The following MAPK15 variants were observed in gnomAD, a reference collection of about 807,000 sequenced individuals.
MAPK15 encodes the protein mitogen-activated protein kinase 15, also known as ERK-7.
Under a neutral mutation model 60.8 loss-of-function variants are expected in MAPK15, and 61 were observed. That is an observed-to-expected ratio of 1.00 (90% CI 0.82 to 1.24). The LOEUF is 1.24. MAPK15 is among the 50% of genes most tolerant of loss of function. The pLI is 0.00. For missense variants in MAPK15, 808 were observed against 741.1 expected, an observed-to-expected ratio of 1.09 and a Z score of -1.05; for synonymous variants, 356 against 319.9, an observed-to-expected ratio of 1.11 and a Z score of -1.21.
Position 143,720,144 on chromosome 8 carries a change from G to T in MAPK15, c.722-86G>T. ...CTGTAGAGAGGCTGTGCTCCCTGGG[G>T]CTGGAAGAGATGACTGGCCCCAGAT... On this transcript the variant is annotated intron_variant, in intron 7 of 13. Coordinates refer to ENST00000338033, the MANE Select transcript of MAPK15 (RefSeq NM_139021.3). This position sits in a 1 kb window ranked among gnomAD's most constrained non-coding sequence, Gnocchi z 4.6. 6.6e-7 allele frequency: 1 copy of T among 1,524,472 alleles called. No individual in the cohort carries two copies. The highest frequency in any genetic ancestry group is 8.8e-7 in the Non-Finnish European group (1 of 1,135,952). 94.4% of individuals were successfully genotyped at this position (1,524,472 alleles called of 1,614,324 possible). A position where few individuals can be genotyped will look rare whatever the true frequency, so the allele number is the denominator to read the frequency against.
rs782227228 is a variant in MAPK15, at chr8:143,721,542, C to T, written c.1205-7C>T. On this transcript the variant is annotated splice_polypyrimidine_tract_variant and splice_region_variant and intron_variant, in intron 11 of 13. Transcript: ENST00000338033. ...CTGACCCCGGGGTTGACCCACTGAC[C>T]CCACAGAGTCCCCCCGTGCAGCCAA... 1 of 1,613,738 alleles carries T rather than the reference C, an allele frequency of 6.2e-7. No homozygotes were observed. Among genetic ancestry groups the T allele is most frequent in the Admixed American group, 1.7e-5 (1 of 59,958 alleles).
At chr8:143,717,455 C>T (rs1817853988) in intron 1 of MAPK15, among the ~76,000 whole-genome samples, 1 of 152,168 alleles carries the variant, frequency 6.6e-6, no homozygotes, top group African/African-American at 2.4e-5. Flanking sequence ...TGCCCAGACG[C>T]TCCCCTCTGT....
chr8:143,720,527 AG>A lies in MAPK15; in HGVS notation c.780-172del, dbSNP rs1554619459. On this transcript the variant is annotated intron_variant, in intron 8 of 13. Transcript: ENST00000338033. The surrounding 1 kb of genome is among the most constrained non-coding windows in gnomAD (Gnocchi z 4.6). Reference sequence around the variant, plus strand: ...GGAGAGGAGGGCACCAGGGGGCCGCAGGGGTCTCTCCACCCTGCAGGGGCCC... The same window carrying A: ...GGAGAGGAGGGCACCAGGGGGCCGCAGGGTCTCTCCACCCTGCAGGGGCCC... 2 of 1,455,236 alleles carry A rather than the reference AG, an allele frequency of 1.4e-6. No homozygotes were observed. Among genetic ancestry groups the A allele is most frequent in the Admixed American group, 2.8e-5 (1 of 35,912 alleles). The allele number at this position is 1,455,236 out of a possible 1,614,324, so 90.1% of individuals were successfully genotyped here.
In MAPK15 at chr8:143,720,732, C is replaced by A. The variant is rs782408799; in HGVS notation, c.809C>A (p.Pro270Gln). Reference sequence around the variant, plus strand: ...CGACAGACGCTGGATGCCCTCCTACCGCCAGACACCTCCCCAGAGGCCTTG... The same window carrying A: ...CGACAGACGCTGGATGCCCTCCTACAGCCAGACACCTCCCCAGAGGCCTTG... ...RPRQTLDALLPPDTSPEALDL... is the reference protein window; with the variant it reads ...RPRQTLDALLQPDTSPEALDL... The change falls in exon 9 of 14, where the codon CCG (proline) becomes CAG (glutamine). Residue 270 changes from proline to glutamine, a missense_variant. By Grantham distance (76) the Pro-to-Gln change is moderately conservative (BLOSUM62 -1). Coordinates refer to ENST00000338033, the MANE Select transcript of MAPK15 (RefSeq NM_139021.3). This position sits in a 1 kb window ranked among gnomAD's most constrained non-coding sequence, Gnocchi z 4.6. 1.2e-6 allele frequency: 2 copies of A among 1,613,116 alleles called. No homozygotes were observed. Among genetic ancestry groups the A allele is most frequent in the Non-Finnish European group, 1.7e-6 (2 of 1,179,664 alleles).
At chr8:143,718,713 A>ACC in intron 4 of MAPK15, 62 bp from the exon 5 acceptor site, 5 of 511,476 alleles carry the variant, frequency 9.8e-6, no homozygotes, top group South Asian at 2.0e-5. Flanking sequence ...CCCCTCTCCC[A>ACC]CTCCCCCCAG....
intron 1 of MAPK15, among the ~76,000 whole-genome samples, 177 bp downstream of exon 1, chr8:143,716,620 G>A (rs1554618427): frequency 6.6e-6 from 1 of 152,204 alleles, no homozygotes; most frequent in Non-Finnish European, 1.5e-5. Context: ...TCCTCATGGG[G>A]TAACACGATC....
At chr8:143,718,383 C>T in intron 4 of MAPK15, 81 bp downstream of exon 4, 2 of 1,211,026 alleles carry the variant, frequency 1.7e-6, no homozygotes, top group Admixed American at 3.6e-5. Context: ...GCGTGTCCCC[C>T]TGCGTGTCCC....
At position 143,717,730 on chromosome 8, in the gene MAPK15, A is replaced by C; in HGVS notation, c.103A>C (p.Thr35Pro). ...TGTGTGGAAGGCAGTGGACCGGAGG[A>C]CTGGTGAGGTCGTGGCCATCAAGAA... ...GIVWKAVDRR[T>P]GEVVAIKKIF... The change falls in exon 2 of 14, where the codon ACT (threonine) becomes CCT (proline). Residue 35 changes from threonine (T) to proline (P), a missense_variant. Physicochemically the swap from Thr to Pro is conservative, Grantham distance 38 (BLOSUM62 -1). Coordinates refer to ENST00000338033, the MANE Select transcript of MAPK15 (RefSeq NM_139021.3). 3 of 1,611,806 alleles carry C rather than the reference A, an allele frequency of 1.9e-6. No homozygotes were observed. Among genetic ancestry groups the C allele is most frequent in the Non-Finnish European group, 2.5e-6 (3 of 1,179,292 alleles).
Position 143,718,684 on chromosome 8 carries a change from G to A in MAPK15, c.287-91G>A. On this transcript the variant is annotated intron_variant, in intron 4 of 13. Coordinates refer to ENST00000338033, the MANE Select transcript of MAPK15 (RefSeq NM_139021.3). ...GCCAGGCCGTGGGCTGGTTCAAAGT[G>A]GGACAGACCTGCCAGGTGCCCCTCT... is the stretch of plus-strand genomic sequence containing the variant. 3 of 1,235,702 alleles carry A rather than the reference G, an allele frequency of 2.4e-6. No homozygotes were observed. In the South Asian group the frequency reaches 4.4e-5, roughly 18 times the overall value. 76.5% of individuals were successfully genotyped at this position (1,235,702 alleles called of 1,614,324 possible). A position where few individuals can be genotyped will look rare whatever the true frequency, so the allele number is the denominator to read the frequency against.
intron 1 of MAPK15, among the ~76,000 whole-genome samples, chr8:143,716,746 G>C (rs1817825888): frequency 6.6e-6 from 1 of 151,452 alleles, no homozygotes; most frequent in African/African-American, 2.4e-5. Context: ...CCGCTTCCCG[G>C]GTGCACACGA....
intron 1 of MAPK15, among the ~76,000 whole-genome samples, chr8:143,717,431 C>T (rs1046476241): frequency 3.3e-5 from 5 of 152,088 alleles, no homozygotes; most frequent in African/African-American, 1.2e-4. Context: ...AGGGCATCCC[C>T]GAGCTTCATT....
At chr8:143,719,232 C>T (rs1047602854) in intron 6 of MAPK15, 76 bp downstream of exon 6, 39 of 1,506,396 alleles carry the variant, frequency 2.6e-5, no homozygotes, top group African/African-American at 2.8e-5. Context: ...CCAGGCCTCC[C>T]GTACTCCGAC....
rs1554619045 is a variant in MAPK15 at position 143,718,862 on chromosome 8, C to G, written c.374C>G (p.Thr125Ser). 1.2e-6 allele frequency: 2 copies of G among 1,611,840 alleles called. No homozygotes were observed. Among genetic ancestry groups the G allele is most frequent in the Non-Finnish European group, 8.5e-7 (1 of 1,179,542 alleles). Residue 125 changes from threonine (T) to serine (S), a missense_variant, in exon 5 of 14, where the codon ACC becomes AGC. Transcript: ENST00000338033. The stretch of plus-strand genomic sequence containing the variant: ...ATCTTCTACCAGCTCCTGCGGGCCA[C>G]CCGGTTCCTCCACTCGGGGCACGTT... ...RSIFYQLLRA[T>S]RFLHSGHVVH...
rs1446788544 is a variant in MAPK15, at chr8:143,718,796, T to C, written c.308T>C (p.Ile103Thr). The change falls in exon 5 of 14, where the codon ATC becomes ACC. Residue 103 changes from isoleucine to threonine, a missense_variant. By Grantham distance (89) the Ile-to-Thr change is moderately conservative. Coordinates refer to ENST00000338033, the MANE Select transcript of MAPK15 (RefSeq NM_139021.3). ...EFMDTDLNAV[I>T]RKGGLLQDVH... ...GCAGACACTGACCTGAACGCAGTCA[T>C]CCGGAAGGGCGGCCTGCTGCAGGAC... The C allele has an allele frequency of 6.8e-7, 1 of 1,480,652 alleles. No individual in the cohort carries two copies. Among genetic ancestry groups the C allele is most frequent in the Non-Finnish European group, 9.1e-7 (1 of 1,099,728 alleles). The allele number at this position is 1,480,652 out of a possible 1,614,324, so 91.7% of individuals were successfully genotyped here. A position where few individuals can be genotyped will look rare whatever the true frequency, so the allele number is the denominator to read the frequency against.
chr8:143,720,580 G>T lies in MAPK15; in HGVS notation c.780-123G>T. The T allele has an allele frequency of 6.7e-7, 1 of 1,483,526 alleles. No homozygotes were observed. The highest frequency in any genetic ancestry group is 9.0e-7 in the Non-Finnish European group (1 of 1,112,590). 91.9% of individuals were successfully genotyped at this position (1,483,526 alleles called of 1,614,324 possible). On this transcript the variant is annotated intron_variant, in intron 8 of 13. Transcript: ENST00000338033. The surrounding 1 kb of genome is among the most constrained non-coding windows in gnomAD (Gnocchi z 4.6). The stretch of plus-strand genomic sequence containing the variant: ...GACTGCCTGCAGGTCAGGCACAGGG[G>T]CATCTACCTAGACAGGACAGCAGGG...
At chr8:143,718,721 C>CA in intron 4 of MAPK15, 54 bp from the exon 5 acceptor site, 5 of 796,260 alleles carry the variant, frequency 6.3e-6, no homozygotes, top group South Asian at 3.6e-5. Context: ...CCACTCCCCC[C>CA]AGGTTGCCCC....
At chr8:143,721,994 A>C in intron 13 of MAPK15, 81 bp from the exon 14 acceptor site, 1 of 1,529,128 alleles carries the variant, frequency 6.5e-7, no homozygotes, top group Non-Finnish European at 8.8e-7. Flanking sequence ...TGTCCAGTTC[A>C]AATCTCTCGA....
rs782500365 is a variant in MAPK15 at position 143,721,236 on chromosome 8, C to T, written c.1029C>T (p.Ile343=). ...PEYRSRVYQM[I]LECGGSSGTS... ...GCACCCTTCCCCTCCCGCAGATGAT[C>T]CTGGAGTGTGGAGGCAGCAGCGGCA... is the stretch of plus-strand genomic sequence containing the variant. Residue 343 remains isoleucine, a synonymous_variant, in exon 11 of 14, where the codon ATC becomes ATT. Coordinates refer to ENST00000338033, the MANE Select transcript of MAPK15 (RefSeq NM_139021.3). 2 of 1,610,168 alleles carry T rather than the reference C, an allele frequency of 1.2e-6. No individual in the cohort carries two copies.
intron 3 of MAPK15, 35 bp downstream of exon 3, chr8:143,718,111 G>A (rs782347670): frequency 6.2e-7 from 1 of 1,613,974 alleles, no homozygotes; most frequent in Non-Finnish European, 8.5e-7. Flanking sequence ...CAATCCCCTT[G>A]CCCAGGTACA....
Sources: gnomAD v4.1 joint callset for allele counts (sites outside exome capture counted in the v4.1 genomes callset) on GRCh38, gnomAD v4.1.1 for gene constraint, Gnocchi (gnomAD v3.1) non-coding constraint, MANE v1.5 for transcripts, NCBI Gene and HGNC (gene_info 2026-07-23, HGNC 2026-07-21) for gene names.